STK38: variants seen among roughly 807,000 people sequenced by gnomAD.
The protein encoded by STK38 is serine/threonine kinase 38, also known as serine/threonine-protein kinase 38.
A neutral mutation model predicts 59.0 loss-of-function variants in STK38; 26 were observed. The observed-to-expected ratio is 0.44, with a 90% CI of 0.32 to 0.61. STK38 has a LOEUF of 0.61. Among genes scored for constraint, STK38 ranks in the 20% least tolerant of loss-of-function variants. The pLI, the probability that STK38 is intolerant of heterozygous loss-of-function variation, is 0.04. For synonymous variants in STK38, 175 were observed against 176.6 expected, an observed-to-expected ratio of 0.99 and a Z score of 0.07; for missense variants, 433 against 566.0, an observed-to-expected ratio of 0.76 and a Z score of 2.38.
chr6:36,517,811 A>T lies in STK38; in HGVS notation c.420T>A (p.Ile140=). ...CCCACAAACTGTCTGCCTCCACTAG[A>T]ATGTCACGCTCCGCACGAATGTGGC... The part of the protein sequence containing the change: ...QVGHIRAERD[I]LVEADSLWVV... The change falls in exon 6 of 14, where the codon ATT becomes ATA. Residue 140 remains isoleucine (I), a synonymous_variant. Transcript: ENST00000229812. 6.2e-7 allele frequency: 1 copy of T among 1,614,156 alleles called. No individual in the cohort carries two copies. Among genetic ancestry groups the T allele is most frequent in the Non-Finnish European group, 8.5e-7 (1 of 1,180,002 alleles).
intron 4 of STK38, among the ~76,000 whole-genome samples, 181 bp downstream of exon 4, chr6:36,524,160 G>A (rs937953403): frequency 3.9e-5 from 6 of 152,278 alleles, no homozygotes; most frequent in Admixed American, 2.0e-4. Context: ...ACAGAGATCT[G>A]GGACTGCGGA....
In STK38 at chr6:36,525,547, C is replaced by A. The variant is rs545337548; in HGVS notation, c.183+44G>T. ...AACAACTCACTGGACAAGATACAAC[C>A]TGCCACGCTGGGTTTTAAGGAAAAC... On this transcript the variant is annotated intron_variant, in intron 3 of 13. Transcript: ENST00000229812. 12 of 1,583,104 alleles carry A rather than the reference C, an allele frequency of 7.6e-6. No individual in the cohort carries two copies. In the South Asian group the frequency reaches 1.3e-4, roughly 18 times the overall value.
intron 3 of STK38, 130 bp from the exon 4 acceptor site, chr6:36,524,593 T>G (rs1234076491): frequency 1.1e-6 from 1 of 930,018 alleles, no homozygotes. Context: ...TTTTCACATA[T>G]GAAATCACCC....
intron 2 of STK38, among the ~76,000 whole-genome samples, chr6:36,533,287 A>C (rs1777711108): frequency 6.6e-6 from 1 of 152,142 alleles, no homozygotes; most frequent in Non-Finnish European, 1.5e-5. Context: ...AGTTAGAACT[A>C]CAGGTGCACA....
chr6:36,519,746 G>A (rs961878308), intron 5 of STK38, among the ~76,000 whole-genome samples: 1 of 152,112 alleles, frequency 6.6e-6, no homozygotes, highest in African/African-American at 2.4e-5. Context: ...GCTATCCTGT[G>A]CCCTAAGAAA....
intron 9 of STK38, among the ~76,000 whole-genome samples, chr6:36,500,926 C>T (rs924266695): frequency 6.6e-6 from 1 of 151,770 alleles, no homozygotes; most frequent in African/African-American, 2.4e-5. Flanking sequence ...ATTTACCAAA[C>T]TTAATTGTTT....
intron 7 of STK38, among the ~76,000 whole-genome samples, chr6:36,512,942 G>A (rs1164085259): frequency 6.6e-6 from 1 of 152,110 alleles, no homozygotes; most frequent in African/African-American, 2.4e-5. Flanking sequence ...TTACAGACGT[G>A]GGCCACCGCG....
intron 7 of STK38, among the ~76,000 whole-genome samples, chr6:36,513,070 A>G (rs1377378534): frequency 6.6e-6 from 1 of 152,066 alleles, no homozygotes; most frequent in Non-Finnish European, 1.5e-5. Flanking sequence ...CCCAGGCTAA[A>G]GTGCAGTGGT....
Position 36,495,447 on chromosome 6 carries a change from C to A in STK38, c.*337G>T. 1 of 255,364 alleles carries A rather than the reference C, an allele frequency of 3.9e-6. No homozygotes were observed. 15.8% of individuals were successfully genotyped at this position (255,364 alleles called of 1,614,324 possible). The stretch of plus-strand genomic sequence containing the variant: ...ATATTCGATGACTATACACGACAAT[C>A]TCAATAATGTTGGATGATGGCTGTT... On this transcript the variant is annotated 3_prime_UTR_variant, in exon 14 of 14. Coordinates refer to ENST00000229812, the MANE Select transcript of STK38 (RefSeq NM_007271.4).
intron 2 of STK38, among the ~76,000 whole-genome samples, chr6:36,531,493 C>A (rs1267789715): frequency 2.6e-5 from 4 of 152,188 alleles, no homozygotes; most frequent in African/African-American, 4.8e-5. Flanking sequence ...ACTGTCAATA[C>A]CTACTAGGTA....
At chr6:36,498,741 C>T (rs1214709811) in intron 10 of STK38, among the ~76,000 whole-genome samples, 5 of 151,990 alleles carry the variant, frequency 3.3e-5, no homozygotes, top group Non-Finnish European at 5.9e-5. Flanking sequence ...AAGAGCACCA[C>T]CACACCCAGC....
At chr6:36,526,408 A>C (rs1472534416) in intron 2 of STK38, among the ~76,000 whole-genome samples, 1 of 152,168 alleles carries the variant, frequency 6.6e-6, no homozygotes, top group Non-Finnish European at 1.5e-5. Flanking sequence ...TTAAAAGCAG[A>C]ATTTGGAAAT....
Position 36,515,413 on chromosome 6 carries a change from T to A in STK38, c.594A>T (p.Leu198Phe). 6.2e-7 allele frequency: 1 copy of A among 1,614,066 alleles called. No homozygotes were observed. Among genetic ancestry groups the A allele is most frequent in the Non-Finnish European group, 8.5e-7 (1 of 1,180,022 alleles). The change falls in exon 7 of 14, where the codon TTA (leucine) becomes TTT (phenylalanine). Residue 198 changes from leucine (L) to phenylalanine (F), a missense_variant. Leu to Phe is a conservative substitution (Grantham distance 22, BLOSUM62 0). Coordinates refer to ENST00000229812, the MANE Select transcript of STK38 (RefSeq NM_007271.4). ...CAAGTTGGTGAATAGAGTCTATGGC[T>A]AATACTGTTTCTGCTATATAAAACT... ...ETQFYIAETV[L>F]AIDSIHQLGF...
Position 36,524,447 on chromosome 6 carries a change from G to C in STK38, c.200C>G (p.Ser67Ter). 3 of 1,601,472 alleles carry C rather than the reference G, an allele frequency of 1.9e-6. No individual in the cohort carries two copies. Among genetic ancestry groups the C allele is most frequent in the South Asian group, 1.1e-5 (1 of 88,010 alleles). The change falls in exon 4 of 14, where the codon TCA becomes TGA. Residue 67 changes from serine to a stop codon, truncating the protein, a stop_gained. Coordinates refer to ENST00000229812, the MANE Select transcript of STK38 (RefSeq NM_007271.4). LOFTEE classifies it high-confidence loss of function. ...CTCTGTTTCCTTCCGAGCATGTGCT[G>C]ATCTCCGGAGTCGTTTCTAATATTT... is the stretch of plus-strand genomic sequence containing the variant. ...LKDEEKRLRR[S>*]AHARKETEFL... is the part of the protein sequence containing the mutation.
At chr6:36,521,361 GT>G (rs1777371328) in intron 5 of STK38, among the ~76,000 whole-genome samples, 1 of 151,804 alleles carries the variant, frequency 6.6e-6, no homozygotes, top group Non-Finnish European at 1.5e-5. Context: ...CTAGTCCTTA[GT>G]TATGAGATAT....
At chr6:36,499,003 C>T (rs1561971240) in intron 10 of STK38, among the ~76,000 whole-genome samples, 1 of 152,018 alleles carries the variant, frequency 6.6e-6, no homozygotes. Flanking sequence ...TTTCATTTTC[C>T]CCCAAACTCC....
intron 1 of STK38, 136 bp downstream of exon 1, chr6:36,547,054 G>A (rs894856252): frequency 6.5e-6 from 1 of 153,248 alleles, no homozygotes; most frequent in Non-Finnish European, 1.5e-5. Context: ...GAGAGGCCAA[G>A]AGGCTGAGAG....
chr6:36,498,300 A>T (rs192440628), intron 11 of STK38, 63 bp downstream of exon 11: 34,073 of 1,566,586 alleles, frequency 0.022, 484 homozygotes, highest in South Asian at 0.04. Context: ...AAAAGTTTTT[A>T]AAAAAATGGA....
chr6:36,535,230 C>T lies in STK38; in HGVS notation c.131+4842G>A, dbSNP rs546758212. On this transcript the variant is annotated intron_variant, in intron 2 of 13. Transcript: ENST00000229812. ...ACTTTGGGAGGAGGCGGGTGGATCACCTGAGGTCAGGAGTTCGAGACCAGC... is the reference window on the plus strand; with the variant it reads ...ACTTTGGGAGGAGGCGGGTGGATCATCTGAGGTCAGGAGTTCGAGACCAGC... Among the ~76,000 whole-genome samples, 5 of 151,712 alleles carry T rather than the reference C, an allele frequency of 3.3e-5. No homozygotes were observed. In the South Asian group the frequency reaches 8.3e-4, roughly 25 times the overall value.
Sources: gnomAD v4.1 joint callset for allele counts (sites outside exome capture counted in the v4.1 genomes callset) on GRCh38, gnomAD v4.1.1 for gene constraint, MANE v1.5 for transcripts, NCBI Gene and HGNC (gene_info 2026-07-23, HGNC 2026-07-21) for gene names.